Variants in MYO16 observed in about 807,000 individuals in gnomAD.
MYO16 encodes the protein unconventional myosin-XVI.
A neutral mutation model predicts 205.3 loss-of-function variants in MYO16; 94 were observed. The observed-to-expected ratio is 0.46, with a 90% CI of 0.39 to 0.54. MYO16 has a LOEUF of 0.54. MYO16 is among the 20% of genes least tolerant of loss of function. MYO16 has a pLI of 0.00. For synonymous variants in MYO16, 988 were observed against 954.0 expected, an observed-to-expected ratio of 1.04 and a Z score of -0.66; for missense variants, 2,315 against 2,387.5, an observed-to-expected ratio of 0.97 and a Z score of 0.63.
intron 23 of MYO16, among the ~76,000 whole-genome samples, chr13:109,039,990 A>G (rs560152798): frequency 1.3e-5 from 2 of 152,296 alleles, no homozygotes; most frequent in South Asian, 4.1e-4. Context: ...TAATAAAACA[A>G]GGAAAATCAT....
rs369379658 is a variant in MYO16, at chr13:108,721,269, G to A, written c.364-6171G>A. ...CCTTTGAGGAAGGCCTTGCTCTCTC[G>A]TCACTTTGCTCTCTCAGTTTGTCTT... On this transcript the variant is annotated intron_variant, in intron 3 of 34. Coordinates refer to ENST00000457511, the MANE Select transcript of MYO16 (RefSeq NM_001198950.3). Among the ~76,000 whole-genome samples the A allele has an allele frequency of 6.6e-4, 100 of 152,302 alleles. No homozygotes were observed. The South Asian group carries it at 0.014, about 21-fold the overall frequency.
At position 109,125,576 on chromosome 13, in the gene MYO16, A is replaced by G. The variant is rs1876210041; in HGVS notation, c.3782+218A>G. 6.6e-6 allele frequency among the ~76,000 whole-genome samples: 1 copy of G among 152,174 alleles called. No homozygotes were observed. The highest frequency in any genetic ancestry group is 1.5e-5 in the Non-Finnish European group (1 of 68,036). On this transcript the variant is annotated intron_variant, in intron 30 of 34. Transcript: ENST00000457511. This position sits in a 1 kb window ranked among gnomAD's most constrained non-coding sequence, Gnocchi z 4.0. ...AGGCTTTCTGTGTTCCTTCATTCAT[A>G]TGTGATGATGACTGCCTCTCCTGCC...
At chr13:108,876,386 T>G (rs779610886) in intron 12 of MYO16, among the ~76,000 whole-genome samples, 1 of 152,172 alleles carries the variant, frequency 6.6e-6, no homozygotes, top group African/African-American at 2.4e-5. Context: ...CTAATTTAAC[T>G]GTAACATTTA....
At chr13:108,706,748 G>A (rs1019990173) in intron 2 of MYO16, among the ~76,000 whole-genome samples, 2 of 152,190 alleles carry the variant, frequency 1.3e-5, no homozygotes, top group South Asian at 2.1e-4. Context: ...ACCTGGCCAC[G>A]AAGACCTTGG....
At position 109,055,941 on chromosome 13, in the gene MYO16, T is replaced by C; in HGVS notation, c.3335+346T>C. 5.8e-6 allele frequency: 1 copy of C among 172,580 alleles called. No homozygotes were observed. Among genetic ancestry groups the C allele is most frequent in the Admixed American group, 5.7e-5 (1 of 17,568 alleles). 10.7% of individuals were successfully genotyped at this position (172,580 alleles called of 1,614,324 possible). ...AATGTATGTAAGTGATTATTTCCCC[T>C]TTTATATATGAACAAAATATTATTT... On this transcript the variant is annotated intron_variant, in intron 27 of 34. Coordinates refer to ENST00000457511, the MANE Select transcript of MYO16 (RefSeq NM_001198950.3). This position sits in a 1 kb window ranked among gnomAD's most constrained non-coding sequence, Gnocchi z 5.0.
intron 16 of MYO16, among the ~76,000 whole-genome samples, chr13:108,929,733 G>A (rs551343040): frequency 1.3e-5 from 2 of 152,134 alleles, no homozygotes; most frequent in East Asian, 1.9e-4. Context: ...AGAGCTATCC[G>A]ACCTCACATG....
At chr13:108,801,412 G>GA (rs1188531787) in intron 6 of MYO16, among the ~76,000 whole-genome samples, 17 of 152,046 alleles carry the variant, frequency 1.1e-4, no homozygotes, top group African/African-American at 4.1e-4. Context: ...ACAGGAACTT[G>GA]AAAAAATGCT....
chr13:109,161,356 T>TG (rs1491533837), intron 32 of MYO16, among the ~76,000 whole-genome samples: 3 of 152,048 alleles, frequency 2.0e-5, no homozygotes, highest in Admixed American at 2.0e-4. Flanking sequence ...AAAGAATGAC[T>TG]GTGTGGGGAC....
At chr13:109,190,843 T>C (rs1295925715) in intron 34 of MYO16, among the ~76,000 whole-genome samples, 1 of 152,218 alleles carries the variant, frequency 6.6e-6, no homozygotes, top group Non-Finnish European at 1.5e-5. Context: ...TGCATCCATG[T>C]ATAAGCAATG....
chr13:109,204,530 G>A (rs1248280554), intron 34 of MYO16, among the ~76,000 whole-genome samples: 1 of 152,168 alleles, frequency 6.6e-6, no homozygotes, highest in Non-Finnish European at 1.5e-5. Context: ...GAAAAAGAAG[G>A]GAAGAGGAAC....
chr13:108,951,241 G>T (rs1883137581), intron 16 of MYO16, among the ~76,000 whole-genome samples: 1 of 152,220 alleles, frequency 6.6e-6, no homozygotes, highest in South Asian at 2.1e-4. Flanking sequence ...GATTCTTCCA[G>T]CTGCTGTCTA....
intron 1 of MYO16, among the ~76,000 whole-genome samples, chr13:108,623,447 G>C (rs1018968706): frequency 1.3e-5 from 2 of 152,160 alleles, no homozygotes; most frequent in African/African-American, 4.8e-5. Flanking sequence ...GAAGAAGAAA[G>C]TCAAACTTGC....
At chr13:108,971,747 T>C (rs1441177074) in intron 20 of MYO16, among the ~76,000 whole-genome samples, 3 of 152,118 alleles carry the variant, frequency 2.0e-5, no homozygotes, top group Admixed American at 2.0e-4. Flanking sequence ...ATCGCATTGA[T>C]TTCTCATGAG....
At chr13:108,757,751 C>A (rs1041676366) in intron 4 of MYO16, among the ~76,000 whole-genome samples, 2 of 152,034 alleles carry the variant, frequency 1.3e-5, no homozygotes, top group Admixed American at 1.3e-4. Context: ...GTCCTTGCGA[C>A]AGTTTGCTGA....
At chr13:108,607,942 C>G (rs578154182) in intron 1 of MYO16, among the ~76,000 whole-genome samples, 1 of 152,296 alleles carries the variant, frequency 6.6e-6, no homozygotes, top group East Asian at 1.9e-4. Context: ...GTTCTCTGAT[C>G]CTACAGTGCT....
chr13:108,975,238 A>C (rs406685), intron 20 of MYO16, among the ~76,000 whole-genome samples: 119,235 of 151,470 alleles, frequency 0.79, 47,293 homozygotes, highest in South Asian at 0.89. Context: ...CAGGGTTCAC[A>C]ATTTTCTCAT....
chr13:109,124,566 C>A lies in MYO16; in HGVS notation c.3536-546C>A, dbSNP rs1205975685. On this transcript the variant is annotated intron_variant, in intron 29 of 34. Transcript: ENST00000457511. ...TCACTCATTTCCCCCAACTTTTACA[C>A]ATTTTTCTAGCCGTCCTTTCCCAGA... is the stretch of plus-strand genomic sequence containing the variant. 5.9e-5 allele frequency among the ~76,000 whole-genome samples: 9 copies of A among 152,282 alleles called. 1 individual carries two copies. The East Asian group carries it at 7.7e-4, about 13-fold the overall frequency.
chr13:108,908,051 G>T (rs1881077171), intron 15 of MYO16, among the ~76,000 whole-genome samples: 2 of 152,020 alleles, frequency 1.3e-5, no homozygotes, highest in African/African-American at 4.8e-5. Flanking sequence ...TTTCAGCAAA[G>T]AATTTAAGGG....
chr13:109,165,121 G>A (rs1315980412), intron 33 of MYO16, 62 bp downstream of exon 33: 4 of 1,264,500 alleles, frequency 3.2e-6, no homozygotes, highest in Non-Finnish European at 4.4e-6. Context: ...CAACTTTCTG[G>A]GAGGAATGGA....
Sources: gnomAD v4.1 joint callset for allele counts (sites outside exome capture counted in the v4.1 genomes callset) on GRCh38, gnomAD v4.1.1 for gene constraint, Gnocchi (gnomAD v3.1) non-coding constraint, MANE v1.5 for transcripts, NCBI Gene and HGNC (gene_info 2026-07-23, HGNC 2026-07-21) for gene names.